Variants in PCDHGA3 observed in about 807,000 individuals in gnomAD.
The protein encoded by PCDHGA3 is protocadherin gamma-A3.
PCDHGA3 carries 40 observed loss-of-function variants against 58.5 expected under a neutral mutation model. The ratio of observed to expected loss-of-function variants is 0.68; its 90% confidence interval spans 0.53 to 0.89. PCDHGA3 has a LOEUF of 0.89. Among genes scored for constraint, PCDHGA3 ranks in the 40% least tolerant of loss-of-function variants. The pLI is 0.00. For synonymous variants in PCDHGA3, 530 were observed against 525.7 expected (o/e 1.01, Z -0.11); for missense variants, 1,223 against 1,195.9 (o/e 1.02, Z -0.33).
chr5:141,476,642 C>T lies in PCDHGA3; in HGVS notation c.2425-18165C>T. On this transcript the variant is annotated intron_variant, in intron 1 of 3. Transcript: ENST00000253812. This position sits in a 1 kb window ranked among gnomAD's most constrained non-coding sequence, Gnocchi z 7.6. The stretch of plus-strand genomic sequence containing the variant: ...CTCTTTACAAACCTATGAGCTGAGC[C>T]GAAATGAATACTTTGCGCTTCGCGT... The T allele has an allele frequency of 1.9e-6, 3 of 1,614,240 alleles. No individual in the cohort carries two copies. The highest frequency in any genetic ancestry group is 2.5e-6 in the Non-Finnish European group (3 of 1,180,050).
intron 1 of PCDHGA3, chr5:141,416,678 G>T (rs2096051953): frequency 6.6e-6 from 1 of 151,990 alleles, no homozygotes; most frequent in Non-Finnish European, 1.5e-5. Flanking sequence ...TGCAACGAAG[G>T]GAAATTATAT....
intron 1 of PCDHGA3, chr5:141,375,358 G>T: frequency 6.2e-7 from 1 of 1,613,810 alleles, no homozygotes; most frequent in Non-Finnish European, 8.5e-7. Flanking sequence ...TGACAGCCAC[G>T]GACAAAGGAA....
chr5:141,374,154 G>C (rs376984494), intron 1 of PCDHGA3: 38 of 1,611,790 alleles, frequency 2.4e-5, no homozygotes, highest in Admixed American at 8.4e-5. Flanking sequence ...GGGACGCTGT[G>C]GGGGGCCGCG....
intron 1 of PCDHGA3, among the ~76,000 whole-genome samples, chr5:141,457,628 C>T (rs1210673176): frequency 6.6e-6 from 1 of 152,244 alleles, no homozygotes; most frequent in Non-Finnish European, 1.5e-5. Context: ...TAATCTTATA[C>T]TTGGCCTGAT....
At chr5:141,376,043 C>G (rs201022484) in intron 1 of PCDHGA3, 1 of 1,613,172 alleles carries the variant, frequency 6.2e-7, no homozygotes, top group Non-Finnish European at 8.5e-7. Context: ...CCAGCCCCCT[C>G]TCTCCGCCAC....
chr5:141,370,443 C>T, intron 1 of PCDHGA3: 1 of 1,607,126 alleles, frequency 6.2e-7, no homozygotes, highest in South Asian at 1.1e-5. Flanking sequence ...GAGGCGAATG[C>T]TATTTCTCTT....
chr5:141,426,439 G>A, intron 1 of PCDHGA3: 1 of 302,400 alleles, frequency 3.3e-6, no homozygotes, highest in Non-Finnish European at 6.5e-6. Flanking sequence ...GAACCTTGCG[G>A]AGGACATGCG....
At chr5:141,355,660 C>T in intron 1 of PCDHGA3, 1 of 1,614,014 alleles carries the variant, frequency 6.2e-7, no homozygotes, top group Non-Finnish European at 8.5e-7. Flanking sequence ...AAGATTTCCT[C>T]TTCCTGAAGC....
intron 1 of PCDHGA3, chr5:141,394,021 G>C (rs2092901030): frequency 6.2e-7 from 1 of 1,613,480 alleles, no homozygotes; most frequent in Non-Finnish European, 8.5e-7. Flanking sequence ...AATTATTATA[G>C]ATTAGTGACA....
rs141095222 is a variant in PCDHGA3, at chr5:141,496,668, C to T, written c.2483+1803C>T. Reference sequence around the variant, plus strand: ...CCCTTCCTTTGACCCCAGCTGTTGTCCTTCTCCCTGCTGGCCTTGCCAACC... The same window carrying T: ...CCCTTCCTTTGACCCCAGCTGTTGTTCTTCTCCCTGCTGGCCTTGCCAACC... On this transcript the variant is annotated intron_variant, in intron 2 of 3. Coordinates refer to ENST00000253812, the MANE Select transcript of PCDHGA3 (RefSeq NM_018916.4). Among the ~76,000 whole-genome samples the T allele has an allele frequency of 1.3e-3, 204 of 152,328 alleles. 1 individual carries two copies. The highest frequency in any genetic ancestry group is 5.6e-3 in the Admixed American group (85 of 15,298).
chr5:141,418,533 C>G, intron 1 of PCDHGA3: 1 of 1,614,032 alleles, frequency 6.2e-7, no homozygotes, highest in Non-Finnish European at 8.5e-7. Flanking sequence ...CGAAGCGGTA[C>G]TGCTCAGATA....
In PCDHGA3 at chr5:141,364,057, TTATAAC is replaced by T. The variant is rs1347716169; in HGVS notation, c.2424+17603_2424+17608del. 2.6e-5 allele frequency among the ~76,000 whole-genome samples: 4 copies of T among 152,286 alleles called. No individual in the cohort carries two copies. In the East Asian group the frequency reaches 7.7e-4, roughly 29 times the overall value. Reference sequence around the variant, plus strand: ...TATGGCAACATTATTAGAAATAAAATTATAACTAAACTTAGGAGAAATAAAAATGGA... The same window carrying T: ...TATGGCAACATTATTAGAAATAAAATTAAACTTAGGAGAAATAAAAATGGA... On this transcript the variant is annotated intron_variant, in intron 1 of 3. Coordinates refer to ENST00000253812, the MANE Select transcript of PCDHGA3 (RefSeq NM_018916.4).
chr5:141,431,879 C>T lies in PCDHGA3; in HGVS notation c.2425-62928C>T. 1 of 1,614,162 alleles carries T rather than the reference C, an allele frequency of 6.2e-7. No individual in the cohort carries two copies. The highest frequency in any genetic ancestry group is 8.5e-7 in the Non-Finnish European group (1 of 1,179,970). ...AATTGCCCTTTTAAATGTAAATGAC[C>T]AAGATTCTGAGGAAAACGGACAGGT... On this transcript the variant is annotated intron_variant, in intron 1 of 3. Coordinates refer to ENST00000253812, the MANE Select transcript of PCDHGA3 (RefSeq NM_018916.4). The surrounding 1 kb of genome is among the most constrained non-coding windows in gnomAD (Gnocchi z 4.8).
chr5:141,368,145 T>C (rs1461482681), intron 1 of PCDHGA3, among the ~76,000 whole-genome samples: 1 of 152,222 alleles, frequency 6.6e-6, no homozygotes, highest in African/African-American at 2.4e-5. Context: ...AATTTTGTAC[T>C]TTTAAAACCT....
chr5:141,346,637 G>A (rs1303742317), intron 1 of PCDHGA3, 180 bp downstream of exon 1: 33 of 910,742 alleles, frequency 3.6e-5, no homozygotes, highest in Non-Finnish European at 5.3e-5. Flanking sequence ...GTCTGGTTAT[G>A]GTTGAGTGGG....
At chr5:141,372,279 G>C in intron 1 of PCDHGA3, 1 of 1,613,176 alleles carries the variant, frequency 6.2e-7, no homozygotes, top group Non-Finnish European at 8.5e-7. Flanking sequence ...GGTGCGCACG[G>C]CGCGTACCTT....
At position 141,479,006 on chromosome 5, in the gene PCDHGA3, T is replaced by C. The variant is rs148063283; in HGVS notation, c.2425-15801T>C. On this transcript the variant is annotated intron_variant, in intron 1 of 3. Transcript: ENST00000253812. ...ACATTTGTATTAAAACTAATAGCTT[T>C]TTGATAATTTTCCTTTGTTTATACA... Among the ~76,000 whole-genome samples the C allele has an allele frequency of 1.2e-3, 179 of 152,340 alleles. 2 individuals are homozygous for C. The highest frequency in any genetic ancestry group is 0.011 in the Admixed American group (170 of 15,300).
chr5:141,494,674 C>A lies in PCDHGA3; in HGVS notation c.2425-133C>A, dbSNP rs532644387. ...ATTTTGTCTTTGGAGATGAGTCCAC[C>A]CCTGCCCCCTCTTAGTCCGTTTTCT... is the stretch of plus-strand genomic sequence containing the variant. On this transcript the variant is annotated intron_variant, in intron 1 of 3. Transcript: ENST00000253812. 3.4e-5 allele frequency: 53 copies of A among 1,545,802 alleles called. No homozygotes were observed. In the African/African-American group the frequency reaches 6.5e-4, roughly 19 times the overall value.
chr5:141,479,329 G>A (rs2099493017), intron 1 of PCDHGA3: 1 of 152,490 alleles, frequency 6.6e-6, no homozygotes, highest in African/African-American at 2.4e-5. Context: ...AGACTCAGTG[G>A]TGTGCACCTG....
Sources: gnomAD v4.1 joint callset for allele counts (sites outside exome capture counted in the v4.1 genomes callset) on GRCh38, gnomAD v4.1.1 for gene constraint, Gnocchi (gnomAD v3.1) non-coding constraint, MANE v1.5 for transcripts, NCBI Gene and HGNC (gene_info 2026-07-23, HGNC 2026-07-21) for gene names.